The following PPM1L variants were observed in gnomAD, a reference collection of about 807,000 sequenced individuals.
PPM1L encodes protein phosphatase, Mg2+/Mn2+ dependent 1L, also known as protein phosphatase 1L.
A neutral mutation model predicts 31.4 loss-of-function variants in PPM1L; 13 were observed. The observed-to-expected ratio is 0.41, with a 90% CI of 0.27 to 0.66. PPM1L has a LOEUF of 0.66. Among genes scored for constraint, PPM1L ranks in the 30% least tolerant of loss-of-function variants. The probability of loss-of-function intolerance (pLI) is 0.29; values close to 1 mark genes in which losing one functional copy is unlikely to be tolerated. For missense variants in PPM1L, 326 were observed against 453.7 expected, an observed-to-expected ratio of 0.72 and a Z score of 2.56; for synonymous variants, 184 against 175.4, an observed-to-expected ratio of 1.05 and a Z score of -0.39.
intron 1 of PPM1L, among the ~76,000 whole-genome samples, chr3:160,959,320 G>A (rs764331205): frequency 2.6e-5 from 4 of 152,064 alleles, no homozygotes; most frequent in Non-Finnish European, 5.9e-5. Flanking sequence ...GGGGATGAGG[G>A]ATAAAAGACT....
chr3:161,052,841 G>C lies in PPM1L; in HGVS notation c.575-12562G>C, dbSNP rs113067255. ...AAGTGTAATTCTCTTTTAAGTACCA[G>C]ATGCTTCAGACTGTGCCTCTCATTT... On this transcript the variant is annotated intron_variant, in intron 2 of 3. Transcript: ENST00000498165. 2.8e-3 allele frequency among the ~76,000 whole-genome samples: 424 copies of C among 152,334 alleles called. 1 individual carries two copies. The highest frequency in any genetic ancestry group is 9.7e-3 in the African/African-American group (403 of 41,582).
At chr3:160,821,878 TA>T (rs1713211925) in intron 1 of PPM1L, among the ~76,000 whole-genome samples, 1 of 152,034 alleles carries the variant, frequency 6.6e-6, no homozygotes, top group African/African-American at 2.4e-5. Context: ...ATGGTATTAT[TA>T]ATCACTGAGT....
chr3:160,811,814 G>A (rs1712816586), intron 1 of PPM1L, among the ~76,000 whole-genome samples: 2 of 152,156 alleles, frequency 1.3e-5, no homozygotes, highest in Admixed American at 1.3e-4. Flanking sequence ...TAGGATCATA[G>A]CAAATGATAA....
chr3:160,992,697 A>G (rs1267820951), intron 2 of PPM1L, among the ~76,000 whole-genome samples: 1 of 152,194 alleles, frequency 6.6e-6, no homozygotes, highest in Non-Finnish European at 1.5e-5. Context: ...ACAGTTTACC[A>G]ATACAGGGAA....
At chr3:160,769,821 C>G (rs1005325215) in intron 1 of PPM1L, among the ~76,000 whole-genome samples, 59 of 151,868 alleles carry the variant, frequency 3.9e-4, no homozygotes, top group African/African-American at 1.4e-3. Context: ...TTAAAATATT[C>G]GAATCTACTC....
chr3:160,886,102 A>G (rs938043189), intron 1 of PPM1L, among the ~76,000 whole-genome samples: 2 of 152,228 alleles, frequency 1.3e-5, no homozygotes, highest in African/African-American at 4.8e-5. Flanking sequence ...GCAGCCAGAA[A>G]GCCTCTTCAG....
At chr3:160,837,459 T>C (rs372971761) in intron 1 of PPM1L, among the ~76,000 whole-genome samples, 17 of 152,338 alleles carry the variant, frequency 1.1e-4, no homozygotes, top group African/African-American at 3.6e-4. Context: ...AAGTTGTGCA[T>C]GTAGAGAAGG....
At chr3:161,009,100 C>A (rs1212460550) in intron 2 of PPM1L, among the ~76,000 whole-genome samples, 4 of 152,176 alleles carry the variant, frequency 2.6e-5, no homozygotes, top group Non-Finnish European at 5.9e-5. Flanking sequence ...ATTGTTTTCT[C>A]AGAAAATATC....
At chr3:161,057,894 A>G (rs764869440) in intron 2 of PPM1L, among the ~76,000 whole-genome samples, 6 of 151,800 alleles carry the variant, frequency 4.0e-5, no homozygotes, top group Non-Finnish European at 7.4e-5. Flanking sequence ...CAAAAGTAGC[A>G]GGGTAAATAG....
chr3:161,024,990 AT>A (rs1240866074), intron 2 of PPM1L, among the ~76,000 whole-genome samples: 1 of 152,228 alleles, frequency 6.6e-6, no homozygotes, highest in Non-Finnish European at 1.5e-5. Flanking sequence ...TTAAATAAGC[AT>A]GCCTTAGTTT....
intron 1 of PPM1L, among the ~76,000 whole-genome samples, chr3:160,928,568 A>G (rs1576720486): frequency 6.6e-6 from 1 of 152,330 alleles, no homozygotes; most frequent in South Asian, 2.1e-4. Flanking sequence ...AAAGAGTATC[A>G]GTGCTATGTT....
intron 2 of PPM1L, among the ~76,000 whole-genome samples, chr3:161,009,046 C>T (rs1456720572): frequency 6.6e-6 from 1 of 152,146 alleles, no homozygotes; most frequent in African/African-American, 2.4e-5. Context: ...AGGGAAGAAG[C>T]CGCAGACAGG....
chr3:160,980,708 A>G (rs62280339), intron 2 of PPM1L, among the ~76,000 whole-genome samples: 1,233 of 39,348 alleles, frequency 0.031, 11 homozygotes, highest in Admixed American at 0.047. Context: ...AAGAGAGAGA[A>G]AAAAAAAGAG....
chr3:161,008,092 T>C (rs985782464), intron 2 of PPM1L, among the ~76,000 whole-genome samples: 2 of 152,220 alleles, frequency 1.3e-5, no homozygotes, highest in Non-Finnish European at 2.9e-5. Flanking sequence ...AGGCAGTTCA[T>C]AGAAACCAGA....
chr3:160,767,012 A>G (rs574295527), intron 1 of PPM1L, among the ~76,000 whole-genome samples: 48 of 152,284 alleles, frequency 3.2e-4, no homozygotes, highest in Non-Finnish European at 3.2e-4. Flanking sequence ...GTGGAGAGAC[A>G]TTATTTTCTA....
rs1719919802 is a variant in PPM1L, at chr3:161,071,578, C to T, written c.*2421C>T. On this transcript the variant is annotated 3_prime_UTR_variant, in exon 4 of 4. Coordinates refer to ENST00000498165, the MANE Select transcript of PPM1L (RefSeq NM_139245.4). ...CCAAATAGAGTGTATATATCCTACT[C>T]CCATTACTGCCTCTTTCCCCCCTAC... 1.3e-5 allele frequency: 2 copies of T among 152,166 alleles called. No individual in the cohort carries two copies. The highest frequency in any genetic ancestry group is 4.8e-5 in the African/African-American group (2 of 41,428). The allele number at this position is 152,166 out of a possible 1,614,324, so 9.4% of individuals were successfully genotyped here. A position where few individuals can be genotyped will look rare whatever the true frequency, so the allele number is the denominator to read the frequency against.
At chr3:160,929,353 A>T (rs1442471243) in intron 1 of PPM1L, among the ~76,000 whole-genome samples, 2 of 152,202 alleles carry the variant, frequency 1.3e-5, no homozygotes, top group Non-Finnish European at 2.9e-5. Flanking sequence ...TTCAAAGTTG[A>T]TATGAGTTAA....
At chr3:160,807,704 G>GAA (rs111423213) in intron 1 of PPM1L, among the ~76,000 whole-genome samples, 3 of 151,312 alleles carry the variant, frequency 2.0e-5, no homozygotes, top group African/African-American at 7.3e-5. Flanking sequence ...GGAGTTTCAG[G>GAA]AAAAAAAATG....
chr3:161,020,048 C>T (rs1444693961), intron 2 of PPM1L, among the ~76,000 whole-genome samples: 1 of 151,580 alleles, frequency 6.6e-6, no homozygotes, highest in Non-Finnish European at 1.5e-5. Context: ...ATCACTTGAA[C>T]CCAGGAGGTG....
Sources: gnomAD v4.1 joint callset for allele counts (sites outside exome capture counted in the v4.1 genomes callset) on GRCh38, gnomAD v4.1.1 for gene constraint, MANE v1.5 for transcripts, NCBI Gene and HGNC (gene_info 2026-07-23, HGNC 2026-07-21) for gene names.